GABRB3: variants seen among roughly 807,000 people sequenced by gnomAD.
GABRB3 encodes gamma-aminobutyric acid type A receptor subunit beta3, also known as gamma-aminobutyric acid receptor subunit beta-3.
A neutral mutation model predicts 52.1 loss-of-function variants in GABRB3; 14 were observed. That is an observed-to-expected ratio of 0.27 (90% confidence interval 0.18 to 0.42). The LOEUF (loss-of-function observed/expected upper bound fraction) is 0.42, where lower values mean the gene tolerates loss of function less well. Among genes scored for constraint, GABRB3 ranks in the 10% least tolerant of loss-of-function variants. GABRB3 has a pLI of 1.00. For missense variants in GABRB3, 307 were observed against 609.1 expected (o/e 0.50, Z 5.22); for synonymous variants, 260 against 232.3 (o/e 1.12, Z -1.08).
chr15:26,766,135 A>G (rs1282470689), intron 3 of GABRB3, among the ~76,000 whole-genome samples: 1 of 152,248 alleles, frequency 6.6e-6, no homozygotes, highest in Non-Finnish European at 1.5e-5. Context: ...CCAACTCCCT[A>G]GGTCACACCT....
At chr15:26,640,986 A>G (rs1893184735) in intron 3 of GABRB3, among the ~76,000 whole-genome samples, 1 of 152,196 alleles carries the variant, frequency 6.6e-6, no homozygotes, top group Non-Finnish European at 1.5e-5. Flanking sequence ...AAACTGTGAA[A>G]CTGTTGTCGC....
chr15:26,585,957 C>T (rs551508570), intron 4 of GABRB3, among the ~76,000 whole-genome samples: 3 of 152,200 alleles, frequency 2.0e-5, no homozygotes, highest in Admixed American at 2.0e-4. Context: ...AGAAAAGAAC[C>T]TTCACTGACA....
At chr15:26,629,079 G>T in intron 3 of GABRB3, 1 of 1,536,046 alleles carries the variant, frequency 6.5e-7, no homozygotes, top group Non-Finnish European at 8.7e-7. Flanking sequence ...ACGCTAACCG[G>T]AAGTTGTGAC....
chr15:26,746,021 C>T (rs572919039), intron 3 of GABRB3, among the ~76,000 whole-genome samples: 14 of 152,284 alleles, frequency 9.2e-5, no homozygotes, highest in African/African-American at 3.4e-4. Context: ...TAAGAAACTG[C>T]CAACTTATTT....
chr15:26,693,580 T>A (rs756416997), intron 3 of GABRB3, among the ~76,000 whole-genome samples: 18 of 152,082 alleles, frequency 1.2e-4, no homozygotes, highest in Non-Finnish European at 4.4e-5. Flanking sequence ...GAGCCTGAAG[T>A]TCATCACTCC....
rs143747512 is a variant in GABRB3 at position 26,583,177 on chromosome 15, C to G, written c.544+155G>C. 4.3e-3 allele frequency among the ~76,000 whole-genome samples: 651 copies of G among 152,232 alleles called. 13 individuals are homozygous for G. Among genetic ancestry groups the G allele is most frequent in the Admixed American group, 0.035 (535 of 15,298 alleles). On this transcript the variant is annotated intron_variant, in intron 5 of 8. Transcript: ENST00000311550. ...GATTAGAATGAAGAACTCTTTTATA[C>G]TGAGTCTCTCTCTCTCTCTGTGTTT...
At chr15:26,612,829 T>C (rs377230289) in intron 4 of GABRB3, 3 of 152,128 alleles carry the variant, frequency 2.0e-5, no homozygotes, top group Non-Finnish European at 2.9e-5. Context: ...GAACAAAAAA[T>C]TGGACATGGC....
At chr15:26,769,758 T>C (rs541721694) in intron 3 of GABRB3, among the ~76,000 whole-genome samples, 48 of 152,290 alleles carry the variant, frequency 3.2e-4, no homozygotes, top group Middle Eastern at 3.4e-3. Flanking sequence ...GCTTCTCTCG[T>C]CCCTCCTCCT....
At chr15:26,767,238 AC>A (rs1425568738) in intron 3 of GABRB3, 1 of 151,886 alleles carries the variant, frequency 6.6e-6, no homozygotes, top group Non-Finnish European at 1.5e-5. Flanking sequence ...CAGTTTTCCA[AC>A]CCCAACTGGG....
intron 3 of GABRB3, among the ~76,000 whole-genome samples, chr15:26,653,974 A>C (rs369473514): frequency 2.5e-4 from 38 of 152,212 alleles, no homozygotes; most frequent in African/African-American, 8.9e-4. Context: ...TATTCAGACT[A>C]ATAAACTGCT....
At chr15:26,623,254 C>A (rs546509032) in intron 3 of GABRB3, among the ~76,000 whole-genome samples, 8 of 152,328 alleles carry the variant, frequency 5.3e-5, no homozygotes, top group Admixed American at 5.2e-4. Flanking sequence ...AGCGATGAGT[C>A]AGGCTAGACC....
chr15:26,626,110 T>G (rs1248165875), intron 3 of GABRB3, among the ~76,000 whole-genome samples: 1 of 152,228 alleles, frequency 6.6e-6, no homozygotes, highest in East Asian at 1.9e-4. Flanking sequence ...TTCACAAGAT[T>G]TCAATCTTAG....
At chr15:26,649,658 C>G (rs867530389) in intron 3 of GABRB3, among the ~76,000 whole-genome samples, 5 of 130,096 alleles carry the variant, frequency 3.8e-5, no homozygotes, top group African/African-American at 6.1e-5. Context: ...AGAGCCAAGG[C>G]TGTGTGTGTG....
intron 4 of GABRB3, chr15:26,614,813 G>A (rs1288601940): frequency 1.3e-5 from 2 of 152,130 alleles, no homozygotes; most frequent in African/African-American, 4.8e-5. Flanking sequence ...GTATAGAAAT[G>A]GCAATTTTGC....
intron 3 of GABRB3, among the ~76,000 whole-genome samples, chr15:26,655,360 T>TA (rs2140598216): frequency 6.6e-6 from 1 of 152,310 alleles, no homozygotes; most frequent in East Asian, 1.9e-4. Flanking sequence ...AACACCTCCA[T>TA]AGCCATAAAG....
intron 7 of GABRB3, among the ~76,000 whole-genome samples, chr15:26,567,172 A>C (rs1890210822): frequency 1.3e-5 from 2 of 152,226 alleles, no homozygotes; most frequent in South Asian, 4.1e-4. Flanking sequence ...ATGCTCATTA[A>C]ATTGTGTAAT....
At chr15:26,591,122 G>C (rs905623398) in intron 4 of GABRB3, among the ~76,000 whole-genome samples, 1 of 152,136 alleles carries the variant, frequency 6.6e-6, no homozygotes, top group African/African-American at 2.4e-5. Flanking sequence ...CTGTGAGAGA[G>C]CCAGCCAGAA....
intron 3 of GABRB3, among the ~76,000 whole-genome samples, chr15:26,733,921 T>A (rs984963240): frequency 6.6e-6 from 1 of 151,662 alleles, no homozygotes; most frequent in Non-Finnish European, 1.5e-5. Flanking sequence ...AAGCCAGATA[T>A]CCACATGCAA....
chr15:26,616,283 T>C (rs1566775983), intron 4 of GABRB3, among the ~76,000 whole-genome samples: 1 of 152,174 alleles, frequency 6.6e-6, no homozygotes, highest in Non-Finnish European at 1.5e-5. Flanking sequence ...GAAGTTTATA[T>C]AGGATAGCAA....
Sources: allele counts gnomAD v4.1 joint callset (sites outside exome capture counted in the v4.1 genomes callset), GRCh38; gene constraint gnomAD v4.1.1; transcripts MANE v1.5; gene names NCBI Gene and HGNC (gene_info 2026-07-23, HGNC 2026-07-21).